The following TENM3 variants were observed in gnomAD, a reference collection of about 807,000 sequenced individuals.
TENM3 encodes teneurin transmembrane protein 3.
In TENM3, 63 loss-of-function variants were observed where a neutral mutation model predicts 255.1. The ratio of observed to expected loss-of-function variants is 0.25; its 90% CI spans 0.20 to 0.30. The LOEUF is 0.30. TENM3 is among the 10% of genes least tolerant of loss of function. The pLI is 1.00. For synonymous variants in TENM3, 1,306 were observed against 1,322.3 expected, an observed-to-expected ratio of 0.99 and a Z score of 0.27; for missense variants, 2,929 against 3,461.1, an observed-to-expected ratio of 0.85 and a Z score of 3.86.
intron 3 of TENM3, chr4:182,449,071 G>A (rs1336246899): frequency 3.0e-6 from 1 of 330,154 alleles, no homozygotes; most frequent in South Asian, 2.1e-5. Context: ...CAGCGAGGGC[G>A]CGCCGCGGCA....
chr4:182,065,187 A>C, the TENM3 span, among the ~76,000 whole-genome samples: 4 of 151,974 alleles, frequency 2.6e-5, no homozygotes, highest in Admixed American at 6.5e-5. Flanking sequence ...GGCATGTGGC[A>C]CCATGCCTAT....
intron 1 of TENM3, among the ~76,000 whole-genome samples, chr4:182,307,564 A>G (rs967159263): frequency 5.3e-5 from 8 of 152,226 alleles, no homozygotes; most frequent in Admixed American, 1.3e-4. Context: ...AATCCTCCTG[A>G]CATAGGGATT....
the TENM3 span, among the ~76,000 whole-genome samples, chr4:181,987,487 T>C: frequency 6.6e-6 from 1 of 152,132 alleles, no homozygotes; most frequent in Non-Finnish European, 1.5e-5. Flanking sequence ...ACAATCCTTT[T>C]ACACAGCCTT....
the TENM3 span, among the ~76,000 whole-genome samples, chr4:181,981,427 T>G: frequency 6.6e-6 from 1 of 152,152 alleles, no homozygotes; most frequent in Non-Finnish European, 1.5e-5. Flanking sequence ...CTAGCTGTAC[T>G]TTAAAAATGT....
the TENM3 span, among the ~76,000 whole-genome samples, chr4:181,710,150 C>G: frequency 6.6e-6 from 1 of 151,980 alleles, no homozygotes; most frequent in Non-Finnish European, 1.5e-5. Context: ...AAATAAGAAC[C>G]TAGATAGAAA....
chr4:182,244,622 G>C (rs923184615), intron 1 of TENM3, among the ~76,000 whole-genome samples: 3 of 152,166 alleles, frequency 2.0e-5, no homozygotes, highest in Non-Finnish European at 2.9e-5. Context: ...AGAGGAAGAC[G>C]GGTCTCCTGG....
intron 22 of TENM3, among the ~76,000 whole-genome samples, chr4:182,759,659 T>C (rs1043081918): frequency 2.0e-5 from 3 of 152,228 alleles, no homozygotes; most frequent in African/African-American, 4.8e-5. Context: ...AGAAAACTTT[T>C]CCCATGCAAA....
intron 3 of TENM3, among the ~76,000 whole-genome samples, chr4:182,414,645 G>T (rs1255245918): frequency 3.3e-5 from 5 of 152,098 alleles, no homozygotes; most frequent in Admixed American, 6.6e-5. Context: ...TTCTAAACTT[G>T]CATAGAAATG....
At chr4:181,540,179 A>G in the TENM3 span, among the ~76,000 whole-genome samples, 6,799 of 152,282 alleles carry the variant, frequency 0.045, 225 homozygotes, top group South Asian at 0.15. Flanking sequence ...ACAGGAGCCA[A>G]CTGAAAGGGT....
the TENM3 span, among the ~76,000 whole-genome samples, chr4:181,758,584 C>A: frequency 1.3e-5 from 2 of 152,104 alleles, no homozygotes; most frequent in East Asian, 1.9e-4. Flanking sequence ...TGTTAAGATG[C>A]TATGTTTACA....
chr4:182,505,568 T>C (rs1346654280), intron 3 of TENM3, among the ~76,000 whole-genome samples: 1 of 152,080 alleles, frequency 6.6e-6, no homozygotes, highest in Admixed American at 6.5e-5. Flanking sequence ...AACCTCCACC[T>C]CCCAGGTTCA....
chr4:181,710,137 G>A, the TENM3 span, among the ~76,000 whole-genome samples: 1 of 152,184 alleles, frequency 6.6e-6, no homozygotes, highest in South Asian at 2.1e-4. Flanking sequence ...ATGCCATGGT[G>A]CCAAATAAGA....
At chr4:182,161,565 C>A (rs1751186720) in intron 1 of TENM3, among the ~76,000 whole-genome samples, 1 of 15,950 alleles carries the variant, frequency 6.3e-5, no homozygotes, top group Non-Finnish European at 2.5e-4. Context: ...CCAGCCTGGG[C>A]AACAGAGTTG....
intron 3 of TENM3, among the ~76,000 whole-genome samples, chr4:182,547,636 A>G (rs1741574876): frequency 6.6e-6 from 1 of 152,102 alleles, no homozygotes; most frequent in African/African-American, 2.4e-5. Flanking sequence ...TAAGCACACT[A>G]CCAGTTCTAT....
intron 6 of TENM3, among the ~76,000 whole-genome samples, chr4:182,666,868 C>G (rs1356649587): frequency 6.6e-6 from 1 of 151,930 alleles, no homozygotes; most frequent in African/African-American, 2.4e-5. Flanking sequence ...CCACTGCACT[C>G]CAGCCTGGGT....
At chr4:182,731,700 T>G (rs950201996) in intron 16 of TENM3, among the ~76,000 whole-genome samples, 2 of 15,434 alleles carry the variant, frequency 1.3e-4, no homozygotes, top group African/African-American at 7.3e-4. Flanking sequence ...TTGGGGTGTG[T>G]GTGTGTGTGT....
chr4:182,565,814 T>G (rs1379745773), intron 3 of TENM3, among the ~76,000 whole-genome samples: 1 of 152,214 alleles, frequency 6.6e-6, no homozygotes, highest in Non-Finnish European at 1.5e-5. Flanking sequence ...TTTCCACATC[T>G]GTTAAATAAT....
At chr4:182,247,064 G>A (rs576301187) in intron 1 of TENM3, among the ~76,000 whole-genome samples, 10 of 152,290 alleles carry the variant, frequency 6.6e-5, no homozygotes, top group East Asian at 5.8e-4. Context: ...GTAAAGATGC[G>A]AAGAACACCA....
At chr4:181,994,276 T>A in the TENM3 span, among the ~76,000 whole-genome samples, 1 of 151,874 alleles carries the variant, frequency 6.6e-6, no homozygotes, top group Admixed American at 6.6e-5. Context: ...CAAATTGGGG[T>A]GGGGTAGGGG....
Sources: gnomAD v4.1 joint callset for allele counts (sites outside exome capture counted in the v4.1 genomes callset) on GRCh38, gnomAD v4.1.1 for gene constraint, MANE v1.5 for transcripts, NCBI Gene and HGNC (gene_info 2026-07-23, HGNC 2026-07-21) for gene names.